The following NTM variants were observed in gnomAD, a reference collection of about 807,000 sequenced individuals.
The protein encoded by NTM is IgLON family member 2.
NTM carries 13 observed loss-of-function variants against 42.1 expected under a neutral mutation model. The observed-to-expected ratio is 0.31, with a 90% CI of 0.20 to 0.49. The LOEUF (loss-of-function observed/expected upper bound fraction) is 0.49, where lower values mean the gene tolerates loss of function less well. Ranked by LOEUF, NTM falls within the 20% of genes least tolerant of loss-of-function variation. NTM has a pLI of 0.99. For missense variants in NTM, 373 were observed against 452.8 expected, an observed-to-expected ratio of 0.82 and a Z score of 1.60; for synonymous variants, 187 against 179.2, an observed-to-expected ratio of 1.04 and a Z score of -0.35.
chr11:131,401,016 T>G (rs1400162778), intron 1 of NTM, among the ~76,000 whole-genome samples: 2 of 121,348 alleles, frequency 1.6e-5, no homozygotes, highest in African/African-American at 3.1e-5. Flanking sequence ...CACACAGAAA[T>G]AGAAAAAAAA....
intron 2 of NTM, among the ~76,000 whole-genome samples, chr11:132,061,267 A>AT (rs2080629085): frequency 6.6e-6 from 1 of 152,168 alleles, no homozygotes; most frequent in South Asian, 2.1e-4. Flanking sequence ...GCATTGGCAT[A>AT]TTTTTTGTGT....
At chr11:131,966,699 T>C (rs1230157584) in intron 2 of NTM, among the ~76,000 whole-genome samples, 1 of 151,868 alleles carries the variant, frequency 6.6e-6, no homozygotes, top group East Asian at 1.9e-4. Flanking sequence ...GTTGGAGAGG[T>C]GACAGCAGTC....
At chr11:131,633,304 T>C (rs2063849609) in intron 1 of NTM, among the ~76,000 whole-genome samples, 1 of 152,206 alleles carries the variant, frequency 6.6e-6, no homozygotes, top group Non-Finnish European at 1.5e-5. Flanking sequence ...TCACATATTT[T>C]ACCCATCCCT....
chr11:132,143,678 G>A (rs1324019935), intron 2 of NTM, among the ~76,000 whole-genome samples: 3 of 152,140 alleles, frequency 2.0e-5, no homozygotes, highest in Non-Finnish European at 4.4e-5. Context: ...GGACCCAAGT[G>A]AAGGTCAGAG....
chr11:132,263,091 A>C (rs1300379313), intron 4 of NTM, among the ~76,000 whole-genome samples: 1 of 152,152 alleles, frequency 6.6e-6, no homozygotes, highest in Non-Finnish European at 1.5e-5. Context: ...TTGCTACAGG[A>C]ATATATCTTC....
At chr11:131,774,574 G>A (rs2086660178) in intron 1 of NTM, among the ~76,000 whole-genome samples, 1 of 151,964 alleles carries the variant, frequency 6.6e-6, no homozygotes. Context: ...TACATGAGGA[G>A]TGTAAGATTT....
At chr11:132,261,235 A>G (rs1295303365) in intron 4 of NTM, among the ~76,000 whole-genome samples, 1 of 152,124 alleles carries the variant, frequency 6.6e-6, no homozygotes, top group Non-Finnish European at 1.5e-5. Context: ...AGAACTTCCA[A>G]ACAAGCTCTC....
At chr11:132,036,938 C>T (rs909246208) in intron 2 of NTM, among the ~76,000 whole-genome samples, 1 of 152,130 alleles carries the variant, frequency 6.6e-6, no homozygotes, top group African/African-American at 2.4e-5. Context: ...GGGGTCAGCA[C>T]TGAATGCACG....
chr11:132,045,292 G>T (rs1178017864), intron 2 of NTM, among the ~76,000 whole-genome samples: 3 of 152,290 alleles, frequency 2.0e-5, no homozygotes, highest in Non-Finnish European at 4.4e-5. Flanking sequence ...TAGAATAAAA[G>T]ATGATGTTGA....
At chr11:131,988,450 C>T (rs1382694365) in intron 2 of NTM, among the ~76,000 whole-genome samples, 1 of 152,182 alleles carries the variant, frequency 6.6e-6, no homozygotes, top group Non-Finnish European at 1.5e-5. Context: ...GCTCTCTCTC[C>T]TTTCTTCCAT....
intron 4 of NTM, among the ~76,000 whole-genome samples, chr11:132,214,829 G>A (rs2083507098): frequency 6.6e-6 from 1 of 152,204 alleles, no homozygotes; most frequent in Non-Finnish European, 1.5e-5. Context: ...AGAGGAGCAG[G>A]ACAATCAGAA....
At chr11:131,679,164 C>G (rs1419199960) in intron 1 of NTM, among the ~76,000 whole-genome samples, 1 of 152,114 alleles carries the variant, frequency 6.6e-6, no homozygotes, top group Non-Finnish European at 1.5e-5. Flanking sequence ...AGTCAGCCCC[C>G]CTGACATTTG....
chr11:132,258,698 C>T (rs2092659159), intron 4 of NTM, among the ~76,000 whole-genome samples: 1 of 152,206 alleles, frequency 6.6e-6, no homozygotes, highest in Admixed American at 6.5e-5. Context: ...CAAGGGACCA[C>T]TGATCTAAAA....
In NTM at chr11:131,437,479, G is replaced by A. The variant is rs569824713; in HGVS notation, c.82+66591G>A. On this transcript the variant is annotated intron_variant, in intron 1 of 8. Transcript: ENST00000683400. ...GAATCTGAGTGCTCCTGTGTTGGGT[G>A]CATATATATTTAGGATAGTTAGCTC... 2.0e-3 allele frequency among the ~76,000 whole-genome samples: 310 copies of A among 152,316 alleles called. 1 individual carries two copies. Among genetic ancestry groups the A allele is most frequent in the Middle Eastern group, 3.4e-3 (1 of 294 alleles).
intron 1 of NTM, among the ~76,000 whole-genome samples, chr11:131,553,064 C>A (rs1224741437): frequency 1.3e-5 from 2 of 152,064 alleles, no homozygotes; most frequent in Admixed American, 1.3e-4. Context: ...GGAATGGATG[C>A]TTAGGTGGTA....
chr11:131,557,110 AT>A (rs944999193), intron 1 of NTM, among the ~76,000 whole-genome samples: 13 of 152,064 alleles, frequency 8.5e-5, no homozygotes, highest in African/African-American at 3.1e-4. Context: ...CGATTCCAGT[AT>A]TTTAAAGCAA....
intron 3 of NTM, among the ~76,000 whole-genome samples, chr11:132,148,788 C>A (rs978379628): frequency 6.6e-6 from 1 of 152,130 alleles, no homozygotes; most frequent in South Asian, 2.1e-4. Flanking sequence ...CCAAGAGAGA[C>A]GGCTGGGTGT....
chr11:131,527,737 C>T lies in NTM; in HGVS notation c.82+156849C>T, dbSNP rs537397715. ...TTATGGGAGCATGCACTCAAATACACGGGACTTTTAACTAGTGTTCTTAGT... is the reference window on the plus strand; with the variant it reads ...TTATGGGAGCATGCACTCAAATACATGGGACTTTTAACTAGTGTTCTTAGT... On this transcript the variant is annotated intron_variant, in intron 1 of 8. Coordinates refer to ENST00000683400, the MANE Select transcript of NTM (RefSeq NM_001352005.2). 9.2e-5 allele frequency among the ~76,000 whole-genome samples: 14 copies of T among 152,258 alleles called. No individual in the cohort carries two copies. In the South Asian group the frequency reaches 1.9e-3, roughly 20 times the overall value.
intron 1 of NTM, chr11:131,773,839 G>A (rs1352774723): frequency 5.2e-6 from 1 of 193,458 alleles, no homozygotes; most frequent in African/African-American, 2.4e-5. Flanking sequence ...TTCACTTAGG[G>A]TGACTAAGCA....
Sources: gnomAD v4.1 joint callset for allele counts (sites outside exome capture counted in the v4.1 genomes callset) on GRCh38, gnomAD v4.1.1 for gene constraint, MANE v1.5 for transcripts, NCBI Gene and HGNC (gene_info 2026-07-23, HGNC 2026-07-21) for gene names.